SIL1: variants seen among roughly 807,000 people sequenced by gnomAD.
SIL1 encodes the protein nucleotide exchange factor SIL1.
A neutral mutation model predicts 49.1 loss-of-function variants in SIL1; 40 were observed. The ratio of observed to expected loss-of-function variants is 0.81; its 90% CI spans 0.63 to 1.06. The LOEUF (loss-of-function observed/expected upper bound fraction) is 1.06. Among genes scored for constraint, SIL1 ranks in the 50% least tolerant of loss-of-function variants. SIL1 has a pLI of 0.00. For missense variants in SIL1, 500 were observed against 572.6 expected (o/e 0.87, Z 1.29); for synonymous variants, 253 against 250.8 (o/e 1.01, Z -0.08).
In SIL1 at chr5:138,947,249, G is replaced by A. The variant is rs1293057265; in HGVS notation, c.1254C>T (p.Leu418=). The A allele has an allele frequency of 3.1e-6, 5 of 1,613,398 alleles. No homozygotes were observed. The highest frequency in any genetic ancestry group is 2.2e-5 in the East Asian group (1 of 44,882). The change falls in exon 10 of 10, where the codon CTC becomes CTT. Residue 418 remains leucine (L), a synonymous_variant. Coordinates refer to ENST00000394817, the MANE Select transcript of SIL1 (RefSeq NM_022464.5). The surrounding 1 kb of genome is among the most constrained non-coding windows in gnomAD (Gnocchi z 4.1). ...CCTGCAGGCTGGCCAGTGTCCTGCCGAGCTGGGGGTCCTGACGGTAGCGGT... is the reference window on the plus strand; with the variant it reads ...CCTGCAGGCTGGCCAGTGTCCTGCCAAGCTGGGGGTCCTGACGGTAGCGGT... ...CRDRYRQDPQ[L]GRTLASLQAE... is the part of the protein sequence containing the mutation.
At chr5:139,036,614 C>T (rs1768916624) in intron 5 of SIL1, among the ~76,000 whole-genome samples, 1 of 152,180 alleles carries the variant, frequency 6.6e-6, no homozygotes. Flanking sequence ...CCAAATACCA[C>T]ATGTTCTCTC....
At chr5:138,951,072 A>G (rs1402381576) in intron 9 of SIL1, 99 bp downstream of exon 9, 2 of 1,376,234 alleles carry the variant, frequency 1.5e-6, no homozygotes, top group Admixed American at 1.9e-5. Context: ...CACACAAAGC[A>G]AACAAGTGAC....
At chr5:139,074,808 CTT>C (rs1365781885) in intron 3 of SIL1, among the ~76,000 whole-genome samples, 1 of 138,974 alleles carries the variant, frequency 7.2e-6, no homozygotes, top group African/African-American at 2.4e-5. Context: ...CTAAGCATCT[CTT>C]TCTCTCTCTG....
chr5:139,019,719 A>G (rs1768474828), intron 7 of SIL1, among the ~76,000 whole-genome samples: 1 of 152,220 alleles, frequency 6.6e-6, no homozygotes, highest in Non-Finnish European at 1.5e-5. Flanking sequence ...TGAAAATGCT[A>G]CACAGTTTCC....
Position 138,976,902 on chromosome 5 carries a change from C to T in SIL1, c.768-25018G>A, listed in dbSNP as rs182877253. On this transcript the variant is annotated intron_variant, in intron 7 of 9. Coordinates refer to ENST00000394817, the MANE Select transcript of SIL1 (RefSeq NM_022464.5). ...ATTATGTGCCATCCATCACGTTTCC[C>T]AGAGAAGTGCACCTCCATCCTGAGC... Among the ~76,000 whole-genome samples, 4 of 152,248 alleles carry T rather than the reference C, an allele frequency of 2.6e-5. No individual in the cohort carries two copies. The East Asian group carries it at 7.7e-4, about 29-fold the overall frequency.
intron 1 of SIL1, among the ~76,000 whole-genome samples, chr5:139,159,914 T>C (rs1159945868): frequency 6.6e-6 from 1 of 152,166 alleles, no homozygotes; most frequent in Admixed American, 6.5e-5. Flanking sequence ...TATGTTTACT[T>C]TCTAAACAAA....
At chr5:139,174,887 G>A (rs1274657326) in intron 1 of SIL1, among the ~76,000 whole-genome samples, 4 of 129,364 alleles carry the variant, frequency 3.1e-5, no homozygotes, top group Admixed American at 9.8e-5. Context: ...GCAGTGAAGC[G>A]ACATCATGTC....
chr5:139,121,089 C>T lies in SIL1; in HGVS notation c.190G>A (p.Ala64Thr), dbSNP rs746486480. The T allele has an allele frequency of 6.2e-7, 1 of 1,614,240 alleles. No individual in the cohort carries two copies. The highest frequency in any genetic ancestry group is 1.1e-5 in the South Asian group (1 of 91,084). Residue 64 changes from alanine to threonine, a missense_variant, in exon 3 of 10, where the codon GCC becomes ACC. Transcript: ENST00000394817. ...KETKAEEELD[A>T]EVLEVFHPTH... Reference sequence around the variant, plus strand: ...GGGTGGAACACCTCCAGGACTTCGGCATCCAGCTCCTCCTCGGCTTTGGTT... The same window carrying T: ...GGGTGGAACACCTCCAGGACTTCGGTATCCAGCTCCTCCTCGGCTTTGGTT...
At chr5:139,174,335 AAAAATTTT>A (rs1461913362) in intron 1 of SIL1, among the ~76,000 whole-genome samples, 1 of 151,958 alleles carries the variant, frequency 6.6e-6, no homozygotes, top group East Asian at 1.9e-4. Context: ...CATCTCTACA[AAAAATTTT>A]AAAATTAGCC....
intron 1 of SIL1, among the ~76,000 whole-genome samples, chr5:139,151,519 T>C (rs1751300681): frequency 6.6e-6 from 1 of 152,240 alleles, no homozygotes; most frequent in Admixed American, 6.5e-5. Flanking sequence ...TTTTATTGTA[T>C]CCAGTACTGT....
chr5:139,003,767 C>G (rs781768870), intron 7 of SIL1, among the ~76,000 whole-genome samples: 6 of 152,170 alleles, frequency 3.9e-5, no homozygotes. Flanking sequence ...GTAAGAGAAG[C>G]CCATGCTGGC....
chr5:139,039,306 C>G (rs1768988432), intron 5 of SIL1, among the ~76,000 whole-genome samples: 1 of 152,140 alleles, frequency 6.6e-6, no homozygotes, highest in African/African-American at 2.4e-5. Context: ...CTACTACCAC[C>G]AAATAGCAGG....
intron 1 of SIL1, among the ~76,000 whole-genome samples, chr5:139,146,802 A>G (rs1036492497): frequency 1.3e-5 from 2 of 152,180 alleles, no homozygotes; most frequent in Non-Finnish European, 2.9e-5. Flanking sequence ...TAGATTTTCT[A>G]ATATGAAACC....
intron 1 of SIL1, 172 bp from the exon 2 acceptor site, chr5:139,128,025 G>T: frequency 1.6e-6 from 1 of 641,342 alleles, no homozygotes; most frequent in Non-Finnish European, 2.9e-6. Context: ...TACCATGGTG[G>T]GTCCAGCCAT....
At position 139,192,074 on chromosome 5, in the gene SIL1, CAAAAAAAAA is replaced by C. The variant is rs10700186; in HGVS notation, c.-11+6186_-11+6194del. On this transcript the variant is annotated intron_variant, in intron 1 of 9. Transcript: ENST00000394817. ...TGGGCAACAGAGCAAGATGCTGTCT[CAAAAAAAAA>C]AAAAAAAAAAAAAATCCACTGGCGA... Among the ~76,000 whole-genome samples, 4 of 67,218 alleles carry C rather than the reference CAAAAAAAAA, an allele frequency of 6.0e-5. No individual in the cohort carries two copies. The East Asian group carries it at 2.0e-3, about 34-fold the overall frequency. The allele number at this position is 67,218 out of a possible 152,430, so 44.1% of individuals were successfully genotyped here. A position where few individuals can be genotyped will look rare whatever the true frequency, so the allele number is the denominator to read the frequency against.
At chr5:139,018,590 C>CAAAAA (rs34450224) in intron 7 of SIL1, among the ~76,000 whole-genome samples, 3 of 69,906 alleles carry the variant, frequency 4.3e-5, no homozygotes, top group Non-Finnish European at 8.2e-5. Context: ...GACCCTGACT[C>CAAAAA]AAAAAAAAAA....
At chr5:139,119,202 A>G (rs1222343547) in intron 3 of SIL1, among the ~76,000 whole-genome samples, 2 of 152,232 alleles carry the variant, frequency 1.3e-5, no homozygotes, top group African/African-American at 4.8e-5. Context: ...CAGAGTCCAC[A>G]GTCCACTCTT....
At chr5:139,095,673 A>G (rs1324681108) in intron 3 of SIL1, among the ~76,000 whole-genome samples, 2 of 152,192 alleles carry the variant, frequency 1.3e-5, no homozygotes, top group African/African-American at 4.8e-5. Context: ...TACAAAAAAT[A>G]CAAAAATGAG....
At chr5:139,132,868 C>G (rs1750893356) in intron 1 of SIL1, among the ~76,000 whole-genome samples, 1 of 152,020 alleles carries the variant, frequency 6.6e-6, no homozygotes, top group Admixed American at 6.6e-5. Flanking sequence ...CCAGGATGGC[C>G]CACCATCACA....
Sources: gnomAD v4.1 joint callset for allele counts (sites outside exome capture counted in the v4.1 genomes callset) on GRCh38, gnomAD v4.1.1 for gene constraint, Gnocchi (gnomAD v3.1) non-coding constraint, MANE v1.5 for transcripts, NCBI Gene and HGNC (gene_info 2026-07-23, HGNC 2026-07-21) for gene names.